The following HSPB8 variants were observed in gnomAD, a reference collection of about 807,000 sequenced individuals.
The protein encoded by HSPB8 is heat shock protein beta-8.
Under a neutral mutation model 16.5 loss-of-function variants are expected in HSPB8, and 9 were observed. That is an observed-to-expected ratio of 0.55 (90% confidence interval 0.33 to 0.95). HSPB8 has a LOEUF of 0.95. HSPB8 is among the 40% of genes least tolerant of loss of function. The pLI, the probability that HSPB8 is intolerant of heterozygous loss-of-function variation, is 0.03. For synonymous variants in HSPB8, 99 were observed against 94.8 expected (o/e 1.04, Z -0.26); for missense variants, 238 against 251.2 (o/e 0.95, Z 0.35).
chr12:119,187,838 C>T (rs1954686436), intron 2 of HSPB8, among the ~76,000 whole-genome samples: 2 of 152,270 alleles, frequency 1.3e-5, no homozygotes, highest in African/African-American at 4.8e-5. Flanking sequence ...TGCTCAGCCT[C>T]TGCCCTGCCA....
chr12:119,193,447 A>G (rs1347459710), intron 2 of HSPB8, among the ~76,000 whole-genome samples: 1 of 152,050 alleles, frequency 6.6e-6, no homozygotes, highest in Admixed American at 6.5e-5. Flanking sequence ...GCATACTCAG[A>G]CTCTGAAGTT....
At chr12:119,181,722 T>C (rs1007222274) in intron 1 of HSPB8, among the ~76,000 whole-genome samples, 6 of 152,228 alleles carry the variant, frequency 3.9e-5, no homozygotes, top group African/African-American at 7.2e-5. Flanking sequence ...ATCCCAGCAC[T>C]GCTGTTCACT....
chr12:119,191,879 G>C (rs1954714712), intron 2 of HSPB8, among the ~76,000 whole-genome samples: 1 of 152,144 alleles, frequency 6.6e-6, no homozygotes, highest in Non-Finnish European at 1.5e-5. Flanking sequence ...TTTGCCAGCT[G>C]AGCAACCTTG....
Position 119,179,356 on chromosome 12 carries a change from G to T in HSPB8, c.44G>T (p.Arg15Leu). 3 of 1,614,078 alleles carry T rather than the reference G, an allele frequency of 1.9e-6. No homozygotes were observed. The highest frequency in any genetic ancestry group is 1.7e-6 in the Non-Finnish European group (2 of 1,180,032). ...CCCTTCTCCTGCCACTACCCAAGCC[G>T]CCTGCGCCGAGACCCCTTCCGGGAC... ...QMPFSCHYPS[R>L]LRRDPFRDSP... The change falls in exon 1 of 3, where the codon CGC becomes CTC. Residue 15 changes from arginine (R) to leucine (L), a missense_variant. Coordinates refer to ENST00000281938, the MANE Select transcript of HSPB8 (RefSeq NM_014365.3).
rs1954730244 is a variant in HSPB8, at chr12:119,194,160, A to G, written c.*302A>G. ...CAAAACACATAAAAGGGGACTTAAC[A>G]TTTCACGTTGTATCTTACTTGCAGT... On this transcript the variant is annotated 3_prime_UTR_variant, in exon 3 of 3. Transcript: ENST00000281938. 1.4e-5 allele frequency: 6 copies of G among 420,082 alleles called. No homozygotes were observed. Among genetic ancestry groups the G allele is most frequent in the South Asian group, 1.3e-4 (6 of 44,904 alleles). The allele number at this position is 420,082 out of a possible 1,614,324, so 26.0% of individuals were successfully genotyped here. A position where few individuals can be genotyped will look rare whatever the true frequency, so the allele number is the denominator to read the frequency against.
At chr12:119,182,704 T>C (rs1018241905) in intron 1 of HSPB8, among the ~76,000 whole-genome samples, 1 of 152,132 alleles carries the variant, frequency 6.6e-6, no homozygotes, top group Admixed American at 6.6e-5. Context: ...TCAGATCCAG[T>C]TTCCCACCCT....
At chr12:119,185,870 C>T (rs939859190) in intron 1 of HSPB8, among the ~76,000 whole-genome samples, 1 of 152,080 alleles carries the variant, frequency 6.6e-6, no homozygotes, top group Admixed American at 6.5e-5. Flanking sequence ...TATAAGTTGT[C>T]AGTTTAAAAA....
intron 2 of HSPB8, among the ~76,000 whole-genome samples, chr12:119,189,245 G>A (rs1379850355): frequency 2.0e-5 from 3 of 151,802 alleles, no homozygotes; most frequent in Admixed American, 6.6e-5. Flanking sequence ...GTCACAAGCA[G>A]GGCATAGCTG....
At chr12:119,186,899 G>C (rs1157318288) in intron 1 of HSPB8, 126 bp from the exon 2 acceptor site, 1 of 853,246 alleles carries the variant, frequency 1.2e-6, no homozygotes, top group Non-Finnish European at 2.0e-6. Context: ...GATAACTAGA[G>C]TCTCTAGGGT....
intron 2 of HSPB8, among the ~76,000 whole-genome samples, chr12:119,189,840 G>A (rs1161277808): frequency 3.3e-5 from 5 of 152,156 alleles, no homozygotes; most frequent in Non-Finnish European, 7.4e-5. Flanking sequence ...CTCTGATCTT[G>A]TCCCCAGGAC....
intron 1 of HSPB8, among the ~76,000 whole-genome samples, chr12:119,180,461 C>G (rs1362650942): frequency 6.6e-6 from 1 of 152,194 alleles, no homozygotes; most frequent in African/African-American, 2.4e-5. Context: ...TCTCCAAAAT[C>G]ATCCTCAGTC....
chr12:119,185,637 T>C (rs1281321214), intron 1 of HSPB8, among the ~76,000 whole-genome samples: 1 of 151,892 alleles, frequency 6.6e-6, no homozygotes, highest in African/African-American at 2.4e-5. Flanking sequence ...CTGCCTATTA[T>C]TATTATTATT....
At chr12:119,191,703 A>G (rs1446490212) in intron 2 of HSPB8, among the ~76,000 whole-genome samples, 1 of 152,178 alleles carries the variant, frequency 6.6e-6, no homozygotes, top group Non-Finnish European at 1.5e-5. Flanking sequence ...CGTATTTACA[A>G]TAGGCAGAGC....
chr12:119,178,994 A>G lies in HSPB8; in HGVS notation c.-319A>G. Reference sequence around the variant, plus strand: ...AGCTCCTGGCTCCGCTCTAGACCTCAGCGGTTCTGGCTGCCAGCCTGGGCA... The same window carrying G: ...AGCTCCTGGCTCCGCTCTAGACCTCGGCGGTTCTGGCTGCCAGCCTGGGCA... On this transcript the variant is annotated 5_prime_UTR_variant, in exon 1 of 3. Transcript: ENST00000281938. 1 of 467,334 alleles carries G rather than the reference A, an allele frequency of 2.1e-6. No homozygotes were observed. The highest frequency in any genetic ancestry group is 3.9e-6 in the Non-Finnish European group (1 of 253,944). 28.9% of individuals were successfully genotyped at this position (467,334 alleles called of 1,614,324 possible). A position where few individuals can be genotyped will look rare whatever the true frequency, so the allele number is the denominator to read the frequency against.
rs1278254028 is a variant in HSPB8, at chr12:119,179,227, C to A, written c.-86C>A. The A allele has an allele frequency of 3.5e-6, 5 of 1,415,994 alleles. No homozygotes were observed. Among genetic ancestry groups the A allele is most frequent in the Non-Finnish European group, 5.0e-6 (5 of 1,009,426 alleles). 87.7% of individuals were successfully genotyped at this position (1,415,994 alleles called of 1,614,324 possible). On this transcript the variant is annotated 5_prime_UTR_variant, in exon 1 of 3. Coordinates refer to ENST00000281938, the MANE Select transcript of HSPB8 (RefSeq NM_014365.3). The stretch of plus-strand genomic sequence containing the variant: ...TTTCGGAAGCTGAAGAATAAGCTAG[C>A]CCAGCCACACCACCTTGTTGTGTGA...
Position 119,193,608 on chromosome 12 carries a change from T to A in HSPB8, c.432-91T>A, listed in dbSNP as rs139484353. On this transcript the variant is annotated intron_variant, in intron 2 of 2. Coordinates refer to ENST00000281938, the MANE Select transcript of HSPB8 (RefSeq NM_014365.3). ...CATTGTATGTCCCCAAAGCCTAAGC[T>A]CTTATCAAAAATATTTCCTCTCAAG... The A allele has an allele frequency of 1.8e-4, 257 of 1,391,370 alleles. 1 individual carries two copies. In the African/African-American group the frequency reaches 3.1e-3, roughly 17 times the overall value. 86.2% of individuals were successfully genotyped at this position (1,391,370 alleles called of 1,614,324 possible).
chr12:119,187,107 T>A lies in HSPB8; in HGVS notation c.431+19T>A, dbSNP rs549655856. On this transcript the variant is annotated intron_variant, in intron 2 of 2. Transcript: ENST00000281938. The stretch of plus-strand genomic sequence containing the variant: ...AAATCCAGTAAGTAACCTGGAGTCA[T>A]GGAGCTCAGGGTGGGAGTGGAGGAG... 1 of 1,606,624 alleles carries A rather than the reference T, an allele frequency of 6.2e-7. No homozygotes were observed. Among genetic ancestry groups the A allele is most frequent in the Non-Finnish European group, 8.5e-7 (1 of 1,173,358 alleles).
At chr12:119,188,428 G>A (rs905031112) in intron 2 of HSPB8, among the ~76,000 whole-genome samples, 2 of 151,852 alleles carry the variant, frequency 1.3e-5, no homozygotes, top group Non-Finnish European at 2.9e-5. Flanking sequence ...TGTATTTTTA[G>A]TAGAGACGGG....
At chr12:119,189,776 C>T (rs1471547825) in intron 2 of HSPB8, among the ~76,000 whole-genome samples, 1 of 152,138 alleles carries the variant, frequency 6.6e-6, no homozygotes, top group Non-Finnish European at 1.5e-5. Context: ...GGGATGGGGA[C>T]CCCTGAATAT....
Sources: gnomAD v4.1 joint callset for allele counts (sites outside exome capture counted in the v4.1 genomes callset) on GRCh38, gnomAD v4.1.1 for gene constraint, MANE v1.5 for transcripts, NCBI Gene and HGNC (gene_info 2026-07-23, HGNC 2026-07-21) for gene names.